LSM6: variants seen among roughly 807,000 people sequenced by gnomAD.
LSM6 encodes LSM6 homolog, U6 small nuclear RNA and mRNA degradation associated, also known as U6 snRNA-associated Sm-like protein LSm6.
LSM6 carries 2 observed loss-of-function variants against 13.5 expected under a neutral mutation model. The observed-to-expected ratio is 0.15, with a 90% confidence interval of 0.06 to 0.47. The LOEUF (loss-of-function observed/expected upper bound fraction) is 0.47. LSM6 is among the 20% of genes least tolerant of loss of function. LSM6 has a pLI of 0.97. For missense variants in LSM6, 58 were observed against 96.4 expected (o/e 0.60, Z 1.67); for synonymous variants, 43 against 34.9 (o/e 1.23, Z -0.82).
chr4:146,180,274 C>CT (rs1730204038), intron 1 of LSM6, among the ~76,000 whole-genome samples: 1 of 152,152 alleles, frequency 6.6e-6, no homozygotes, highest in South Asian at 2.1e-4. Context: ...GGAATGTAAA[C>CT]TCTGAGGGCT....
chr4:146,179,633 T>C (rs1304895371), intron 1 of LSM6, among the ~76,000 whole-genome samples: 1 of 152,214 alleles, frequency 6.6e-6, no homozygotes, highest in African/African-American at 2.4e-5. Flanking sequence ...CCTCTTGTCA[T>C]GTGGCTTACA....
chr4:146,183,269 T>C, intron 2 of LSM6: 1 of 348,130 alleles, frequency 2.9e-6, no homozygotes, highest in East Asian at 6.1e-5. Context: ...AGATCATATG[T>C]GCCTAAATTC....
rs549860620 is a variant in LSM6, at chr4:146,190,352, C to G, written c.*696C>G. ...ATGCAATTAGACTTTTTAGGTTTCC[C>G]TGCTCCCTTTCAGGAGCATTGGCAT... On this transcript the variant is annotated 3_prime_UTR_variant, in exon 4 of 4. Coordinates refer to ENST00000296581, the MANE Select transcript of LSM6 (RefSeq NM_007080.3). The G allele has an allele frequency of 6.6e-6, 1 of 152,498 alleles. No individual in the cohort carries two copies. Among genetic ancestry groups the G allele is most frequent in the South Asian group, 2.1e-4 (1 of 4,832 alleles). The allele number at this position is 152,498 out of a possible 1,614,324, so 9.4% of individuals were successfully genotyped here. A position where few individuals can be genotyped will look rare whatever the true frequency, so the allele number is the denominator to read the frequency against.
chr4:146,180,941 T>C (rs879266316), intron 1 of LSM6: 8 of 152,260 alleles, frequency 5.3e-5, no homozygotes, highest in Non-Finnish European at 1.2e-4. Context: ...TTAAAGGTAC[T>C]GAATCTGTTA....
chr4:146,183,109 C>A, intron 2 of LSM6, 94 bp downstream of exon 2: 2 of 823,164 alleles, frequency 2.4e-6, no homozygotes, highest in Admixed American at 2.1e-5. Flanking sequence ...CCCAATAGGC[C>A]AAAAAAGTAC....
At chr4:146,181,406 CAT>C (rs1367293276) in intron 1 of LSM6, 2 of 152,136 alleles carry the variant, frequency 1.3e-5, no homozygotes, top group South Asian at 2.1e-4. Flanking sequence ...TTGTGTATGA[CAT>C]GTTTTTGAAT....
intron 2 of LSM6, chr4:146,183,256 T>C: frequency 5.2e-6 from 2 of 381,450 alleles, no homozygotes; most frequent in Non-Finnish European, 9.8e-6. Context: ...TGTCTCTGCT[T>C]TGAGATCATA....
intron 1 of LSM6, chr4:146,181,023 C>A (rs575436897): frequency 1.3e-5 from 2 of 152,188 alleles, no homozygotes; most frequent in East Asian, 1.9e-4. Context: ...GATCTGAGTC[C>A]TGAATGAAAA....
chr4:146,181,493 C>A (rs1448593243), intron 1 of LSM6, among the ~76,000 whole-genome samples: 2 of 152,186 alleles, frequency 1.3e-5, no homozygotes, highest in African/African-American at 4.8e-5. Context: ...ACTACAACTG[C>A]TGATCCCGTG....
intron 3 of LSM6, 61 bp downstream of exon 3, chr4:146,187,448 A>G (rs1191542065): frequency 3.8e-5 from 39 of 1,036,828 alleles, no homozygotes; most frequent in Non-Finnish European, 4.7e-5. Flanking sequence ...TATAATCCAG[A>G]TCACCAAAGA....
chr4:146,180,952 C>G (rs185765989), intron 1 of LSM6: 2 of 152,288 alleles, frequency 1.3e-5, no homozygotes, highest in Admixed American at 1.3e-4. Flanking sequence ...GAATCTGTTA[C>G]AGTATTTATT....
chr4:146,183,154 C>T, intron 2 of LSM6, 139 bp downstream of exon 2: 2 of 575,230 alleles, frequency 3.5e-6, no homozygotes, highest in Non-Finnish European at 6.3e-6. Context: ...ATATCTTTTT[C>T]TATCTCTGAG....
intron 1 of LSM6, 93 bp from the exon 2 acceptor site, chr4:146,182,818 AT>A (rs1358699712): frequency 1.1e-5 from 8 of 746,040 alleles, no homozygotes; most frequent in African/African-American, 1.8e-5. Context: ...TTGATACTTC[AT>A]TTTCTGTAAG....
intron 2 of LSM6, 113 bp downstream of exon 2, chr4:146,183,128 A>G (rs749391751): frequency 1.3e-5 from 9 of 681,160 alleles, no homozygotes; most frequent in South Asian, 1.0e-4. Context: ...ACTGGTCATC[A>G]GTAGTTTTTA....
chr4:146,183,058 G>A (rs1467853912), intron 2 of LSM6, 43 bp downstream of exon 2: 2 of 1,355,274 alleles, frequency 1.5e-6, no homozygotes, highest in Non-Finnish European at 2.1e-6. Flanking sequence ...AACTGAATAA[G>A]TAAATGTGAC....
chr4:146,188,194 A>G (rs893695725), intron 3 of LSM6, among the ~76,000 whole-genome samples: 1 of 152,104 alleles, frequency 6.6e-6, no homozygotes, highest in Non-Finnish European at 1.5e-5. Flanking sequence ...ATATTTTTAC[A>G]TACATTATTT....
In LSM6 at chr4:146,189,957, A is replaced by G; in HGVS notation, c.*301A>G. 1 of 274,502 alleles carries G rather than the reference A, an allele frequency of 3.6e-6. No individual in the cohort carries two copies. The highest frequency in any genetic ancestry group is 6.7e-6 in the Non-Finnish European group (1 of 148,224). 17.0% of individuals were successfully genotyped at this position (274,502 alleles called of 1,614,324 possible). ...TTTAACTTAAGTTTCGAGAAGTGTCATTTCATTTGACTTGCTTTTCTTATC... is the reference window on the plus strand; with the variant it reads ...TTTAACTTAAGTTTCGAGAAGTGTCGTTTCATTTGACTTGCTTTTCTTATC... On this transcript the variant is annotated 3_prime_UTR_variant, in exon 4 of 4. Transcript: ENST00000296581.
At position 146,187,366 on chromosome 4, in the gene LSM6, G is replaced by T. The variant is rs1225204155; in HGVS notation, c.187G>T (p.Ala63Ser). ...ACAACTGAAGAATAAGTATGGGGAT[G>T]CATTTATCCGAGGAAACAATGGTAA... is the stretch of plus-strand genomic sequence containing the variant. ...NGQLKNKYGDAFIRGNNVLYI... is the reference protein window; with the variant it reads ...NGQLKNKYGDSFIRGNNVLYI... Residue 63 changes from alanine to serine, a missense_variant, in exon 3 of 4, where the codon GCA becomes TCA. Ala to Ser is a moderately conservative substitution (Grantham distance 99). Coordinates refer to ENST00000296581, the MANE Select transcript of LSM6 (RefSeq NM_007080.3). The T allele has an allele frequency of 6.2e-7, 1 of 1,608,048 alleles. No homozygotes were observed. Among genetic ancestry groups the T allele is most frequent in the Non-Finnish European group, 8.5e-7 (1 of 1,174,518 alleles).
Position 146,189,874 on chromosome 4 carries a change from T to C in LSM6, c.*218T>C. 1 of 463,956 alleles carries C rather than the reference T, an allele frequency of 2.2e-6. No homozygotes were observed. Among genetic ancestry groups the C allele is most frequent in the Non-Finnish European group, 3.8e-6 (1 of 263,102 alleles). The allele number at this position is 463,956 out of a possible 1,614,324, so 28.7% of individuals were successfully genotyped here. Reference sequence around the variant, plus strand: ...TCATTTTCTTTTACCTCGTTGTCAGTGTACAGAATGCTAAAATAATTAAAA... The same window carrying C: ...TCATTTTCTTTTACCTCGTTGTCAGCGTACAGAATGCTAAAATAATTAAAA... On this transcript the variant is annotated 3_prime_UTR_variant, in exon 4 of 4. Transcript: ENST00000296581.
Sources: allele counts gnomAD v4.1 joint callset (sites outside exome capture counted in the v4.1 genomes callset), GRCh38; gene constraint gnomAD v4.1.1; transcripts MANE v1.5; gene names NCBI Gene and HGNC (gene_info 2026-07-23, HGNC 2026-07-21).